The following ARHGEF10 variants were observed in gnomAD, a reference collection of about 807,000 sequenced individuals.
The protein encoded by ARHGEF10 is Rho guanine nucleotide exchange factor (GEF) 10.
A neutral mutation model predicts 147.4 loss-of-function variants in ARHGEF10; 140 were observed. The ratio of observed to expected loss-of-function variants is 0.95; its 90% CI spans 0.83 to 1.09. The LOEUF (loss-of-function observed/expected upper bound fraction) is 1.09. Ranked by LOEUF, ARHGEF10 falls within the 50% of genes least tolerant of loss-of-function variation. The pLI is 0.00. For synonymous variants in ARHGEF10, 902 were observed against 695.8 expected, an observed-to-expected ratio of 1.30 and a Z score of -4.67; for missense variants, 2,222 against 1,752.7, an observed-to-expected ratio of 1.27 and a Z score of -4.78.
chr8:1,952,353 G>A (rs1346663753), intron 27 of ARHGEF10, among the ~76,000 whole-genome samples: 1 of 152,228 alleles, frequency 6.6e-6, no homozygotes, highest in Non-Finnish European at 1.5e-5. Context: ...GGGCTCACGA[G>A]CTCACGTGCT....
chr8:1,917,162 T>G (rs1259246291), intron 18 of ARHGEF10, among the ~76,000 whole-genome samples: 1 of 152,224 alleles, frequency 6.6e-6, no homozygotes, highest in Non-Finnish European at 1.5e-5. Flanking sequence ...AATTTTCAGG[T>G]CAAAGAGTAG....
chr8:1,836,135 T>C (rs1803564562), intron 1 of ARHGEF10, among the ~76,000 whole-genome samples: 1 of 151,340 alleles, frequency 6.6e-6, no homozygotes, highest in Non-Finnish European at 1.5e-5. Flanking sequence ...GAGCCGAGAT[T>C]GTGCTACTGC....
intron 18 of ARHGEF10, among the ~76,000 whole-genome samples, chr8:1,912,722 C>G (rs562297207): frequency 6.6e-6 from 1 of 152,184 alleles, no homozygotes; most frequent in Non-Finnish European, 1.5e-5. Flanking sequence ...CCCAAACTCC[C>G]TGATGCTGTT....
In ARHGEF10 at chr8:1,945,776, C is replaced by T. The variant is rs975959397; in HGVS notation, c.3397+121C>T. Reference sequence around the variant, plus strand: ...GCAGGACACTGTTCACAACATGCTGCCAGGTAATGGGGTGGGACAAGGCCC... The same window carrying T: ...GCAGGACACTGTTCACAACATGCTGTCAGGTAATGGGGTGGGACAAGGCCC... On this transcript the variant is annotated intron_variant, in intron 27 of 28. Coordinates refer to ENST00000349830, the MANE Select transcript of ARHGEF10 (RefSeq NM_014629.4). The T allele has an allele frequency of 4.2e-6, 6 of 1,424,162 alleles. No homozygotes were observed. In the East Asian group the frequency reaches 9.1e-5, roughly 22 times the overall value. 88.2% of individuals were successfully genotyped at this position (1,424,162 alleles called of 1,614,324 possible).
At chr8:1,833,474 A>AGGGGCAGAGG (rs1563150569) in intron 1 of ARHGEF10, among the ~76,000 whole-genome samples, 8 of 151,454 alleles carry the variant, frequency 5.3e-5, no homozygotes, top group East Asian at 2.0e-4. Context: ...AGGGGCAGAG[A>AGGGGCAGAGG]CAGGGGCAGG....
Position 1,859,905 on chromosome 8 carries a change from G to C in ARHGEF10, c.202G>C (p.Asp68His). 1.2e-6 allele frequency: 2 copies of C among 1,614,130 alleles called. No individual in the cohort carries two copies. Among genetic ancestry groups the C allele is most frequent in the Non-Finnish European group, 1.7e-6 (2 of 1,180,030 alleles). ...CCTTTCTGCATCCCCAGGAGGTGAG[G>C]ATGGAGCTGGAGCAGAAACCACCCC... Reference protein sequence around the residue: ...SEAPAPTGGEDGAGAETTPVA... With the variant: ...SEAPAPTGGEHGAGAETTPVA... The change falls in exon 4 of 29, where the codon GAT becomes CAT. Residue 68 changes from aspartate to histidine, a missense_variant. Asp to His is a moderately conservative substitution (Grantham distance 81). Coordinates refer to ENST00000349830, the MANE Select transcript of ARHGEF10 (RefSeq NM_014629.4).
At chr8:1,839,186 G>C (rs1012634946) in intron 1 of ARHGEF10, among the ~76,000 whole-genome samples, 1 of 136,700 alleles carries the variant, frequency 7.3e-6, no homozygotes, top group Non-Finnish European at 1.5e-5. Context: ...TGTGGGGACT[G>C]TCTGATGTGG....
chr8:1,900,481 T>C (rs568200422), intron 15 of ARHGEF10, among the ~76,000 whole-genome samples: 137 of 152,254 alleles, frequency 9.0e-4, no homozygotes, highest in African/African-American at 3.2e-3. Flanking sequence ...CACAGTTGTC[T>C]AGCCACAAAT....
At chr8:1,841,864 G>A (rs1451741565) in intron 1 of ARHGEF10, among the ~76,000 whole-genome samples, 7 of 124,002 alleles carry the variant, frequency 5.6e-5, no homozygotes, top group African/African-American at 1.5e-4. Flanking sequence ...GCGGGAACTG[G>A]GGCCGCGGCG....
intron 8 of ARHGEF10, among the ~76,000 whole-genome samples, chr8:1,878,652 C>T (rs1470023217): frequency 6.6e-6 from 1 of 152,054 alleles, no homozygotes; most frequent in African/African-American, 2.4e-5. Flanking sequence ...TTCAGTTTCG[C>T]CTTCATGGTG....
intron 28 of ARHGEF10, among the ~76,000 whole-genome samples, chr8:1,954,590 G>C (rs1296414480): frequency 6.6e-6 from 1 of 152,150 alleles, no homozygotes; most frequent in Non-Finnish European, 1.5e-5. Context: ...GTAACGAGAA[G>C]AGGCCACCTG....
intron 26 of ARHGEF10, among the ~76,000 whole-genome samples, chr8:1,935,839 C>G (rs1223067261): frequency 6.6e-6 from 1 of 152,236 alleles, no homozygotes; most frequent in Non-Finnish European, 1.5e-5. Context: ...GGAGGAGGCC[C>G]AAACTCTCCT....
At chr8:1,914,244 C>T (rs560915337) in intron 18 of ARHGEF10, among the ~76,000 whole-genome samples, 5 of 152,322 alleles carry the variant, frequency 3.3e-5, no homozygotes, top group East Asian at 1.9e-4. Context: ...AAACGTGAAA[C>T]GGTTCCTCAT....
At chr8:1,905,484 C>A in intron 16 of ARHGEF10, 87 bp from the exon 17 acceptor site, 1 of 1,557,196 alleles carries the variant, frequency 6.4e-7, no homozygotes, top group South Asian at 1.1e-5. Context: ...AAAAGTCACC[C>A]TGAGACTCCA....
chr8:1,832,989 C>T (rs201298807), intron 1 of ARHGEF10, among the ~76,000 whole-genome samples: 1 of 47,790 alleles, frequency 2.1e-5, no homozygotes, highest in South Asian at 9.4e-4. Flanking sequence ...GAGACAGAGA[C>T]AGAGGCAGAG....
chr8:1,952,724 G>A lies in ARHGEF10; in HGVS notation c.3417G>A (p.Val1139=). ...GCCCAGGGCACCAGCGGCTGTCGGT[G>A]ACGAGCCTGCTCGTCTGCCACGGAT... ...NMLPGHQRLS[V]TSLLVCHGLL... is the part of the protein sequence containing the mutation. Residue 1139 remains valine (V), a synonymous_variant, in exon 28 of 29, where the codon GTG becomes GTA. Transcript: ENST00000349830. 1.2e-6 allele frequency: 2 copies of A among 1,613,086 alleles called. No individual in the cohort carries two copies. Among genetic ancestry groups the A allele is most frequent in the Non-Finnish European group, 1.7e-6 (2 of 1,179,944 alleles).
chr8:1,928,208 C>T (rs890698702), intron 23 of ARHGEF10, among the ~76,000 whole-genome samples: 19 of 152,062 alleles, frequency 1.2e-4, no homozygotes, highest in South Asian at 2.1e-4. Flanking sequence ...ATGAAAGTTA[C>T]GCTTTTGCTT....
At chr8:1,955,259 C>G (rs980133888) in intron 28 of ARHGEF10, among the ~76,000 whole-genome samples, 1 of 146,770 alleles carries the variant, frequency 6.8e-6, no homozygotes, top group Admixed American at 6.7e-5. Context: ...TGGAGGATAG[C>G]CAGGTGCATC....
chr8:1,859,841 A>C (rs4294226), intron 3 of ARHGEF10, 56 bp from the exon 4 acceptor site: 1 of 1,607,132 alleles, frequency 6.2e-7, no homozygotes, highest in Non-Finnish European at 8.5e-7. Flanking sequence ...CCAGGAGGGC[A>C]TGCCTGCCAT....
Sources: gnomAD v4.1 joint callset for allele counts (sites outside exome capture counted in the v4.1 genomes callset) on GRCh38, gnomAD v4.1.1 for gene constraint, MANE v1.5 for transcripts, NCBI Gene and HGNC (gene_info 2026-07-23, HGNC 2026-07-21) for gene names.